Variants in PCNX1 observed in about 807,000 individuals in gnomAD.
PCNX1 encodes pecanex-like protein 1.
Under a neutral mutation model 242.2 loss-of-function variants are expected in PCNX1, and 78 were observed. That is an observed-to-expected ratio of 0.32 (90% CI 0.27 to 0.39). The LOEUF (loss-of-function observed/expected upper bound fraction) is 0.39, where lower values mean the gene tolerates loss of function less well. PCNX1 is among the 10% of genes least tolerant of loss of function. The probability of loss-of-function intolerance (pLI) is 1.00; values close to 1 mark genes in which losing one functional copy is unlikely to be tolerated. For synonymous variants in PCNX1, 1,024 were observed against 1,032.9 expected (o/e 0.99, Z 0.17); for missense variants, 2,581 against 2,856.5 (o/e 0.90, Z 2.20).
chr14:71,047,004 G>C lies in PCNX1; in HGVS notation c.4059G>C (p.Trp1353Cys), dbSNP rs568029146. The C allele has an allele frequency of 1.2e-6, 2 of 1,610,370 alleles. No individual in the cohort carries two copies. The highest frequency in any genetic ancestry group is 3.3e-5 in the Admixed American group (2 of 59,962). ...TMMWFEKLHV[W>C]LLFVEKNIIY... Reference sequence around the variant, plus strand: ...TGTGGTTTGAGAAACTTCATGTGTGGCTTCTTTTTGTGGAGAAGAATATAA... The same window carrying C: ...TGTGGTTTGAGAAACTTCATGTGTGCCTTCTTTTTGTGGAGAAGAATATAA... Residue 1353 changes from tryptophan (W) to cysteine (C), a missense_variant, in exon 21 of 36, where the codon TGG (tryptophan) becomes TGC (cysteine). By Grantham distance (215) the Trp-to-Cys change is radical. Around this residue, in one of 9 missense-constraint regions of PCNX1, gnomAD observed 432 missense variants for 443.1 expected, o/e 0.97. Coordinates refer to ENST00000304743, the MANE Select transcript of PCNX1 (RefSeq NM_014982.3).
At chr14:71,031,177 A>AAAATGTGC (rs527386742) in intron 16 of PCNX1, among the ~76,000 whole-genome samples, 40 of 152,352 alleles carry the variant, frequency 2.6e-4, no homozygotes, top group Non-Finnish European at 5.1e-4. Flanking sequence ...TCTGCGAATT[A>AAAATGTGC]AAATGTGCAA....
Position 71,108,661 on chromosome 14 carries a change from G to A in PCNX1, c.6359G>A (p.Arg2120Gln), listed in dbSNP as rs745757762. 59 of 1,614,042 alleles carry A rather than the reference G, an allele frequency of 3.7e-5. No homozygotes were observed. Among genetic ancestry groups the A allele is most frequent in the Admixed American group, 2.8e-4 (17 of 60,006 alleles). The change falls in exon 34 of 36, where the codon CGG (arginine) becomes CAG (glutamine). Residue 2120 changes from arginine (R) to glutamine (Q), a missense_variant. Arg to Gln is a conservative substitution (Grantham distance 43). Transcript: ENST00000304743. ...QSGLVRQSPA[R>Q]ASVASQSSYC... ...GGCCTGGTCAGACAGTCTCCTGCCC[G>A]GGCCTCAGTAGCCAGCCAGTCTTCC... is the stretch of plus-strand genomic sequence containing the variant.
At chr14:71,067,814 C>CT (rs1005939595) in intron 26 of PCNX1, among the ~76,000 whole-genome samples, 15 of 151,736 alleles carry the variant, frequency 9.9e-5, no homozygotes, top group African/African-American at 3.6e-4. Flanking sequence ...TGTCTTTGTT[C>CT]TTATTGGTTT....
At chr14:70,987,873 T>C (rs2059045885) in intron 6 of PCNX1, among the ~76,000 whole-genome samples, 1 of 152,184 alleles carries the variant, frequency 6.6e-6, no homozygotes. Context: ...AAGCTATGAG[T>C]TCCTGTGCTT....
chr14:71,002,243 G>A (rs948780016), intron 8 of PCNX1, among the ~76,000 whole-genome samples: 1 of 152,220 alleles, frequency 6.6e-6, no homozygotes, highest in African/African-American at 2.4e-5. Context: ...AAACAGAACG[G>A]CAAATACCAA....
chr14:71,080,232 A>G (rs573050669), intron 28 of PCNX1, among the ~76,000 whole-genome samples: 11 of 152,258 alleles, frequency 7.2e-5, no homozygotes, highest in African/African-American at 2.4e-4. Context: ...ATTGATCTAT[A>G]TATCTGTTTT....
At chr14:71,016,017 A>G (rs1156430294) in intron 11 of PCNX1, among the ~76,000 whole-genome samples, 1 of 152,226 alleles carries the variant, frequency 6.6e-6, no homozygotes, top group South Asian at 2.1e-4. Flanking sequence ...ACGTAGACCC[A>G]GTTTCTACCA....
intron 1 of PCNX1, among the ~76,000 whole-genome samples, chr14:70,914,034 T>C (rs138660314): frequency 1.3e-5 from 2 of 152,322 alleles, no homozygotes; most frequent in African/African-American, 4.8e-5. Context: ...ATAACTCTTA[T>C]GTATTATATT....
At chr14:71,024,862 T>A (rs2060198396) in intron 13 of PCNX1, among the ~76,000 whole-genome samples, 1 of 152,210 alleles carries the variant, frequency 6.6e-6, no homozygotes, top group South Asian at 2.1e-4. Flanking sequence ...ATATGTGCAC[T>A]GGGGAGCAAA....
rs1258599260 is a variant in PCNX1, at chr14:71,108,786, C to A, written c.6484C>A (p.Pro2162Thr). ...STSQISLRNL[P>T]SSIQSRLSMV... ...TAGTCAGATATCGCTTCGAAACTTG[C>A]CATCATCCATCCAATCCCGACTGTC... Residue 2162 changes from proline to threonine, a missense_variant, in exon 34 of 36, where the codon CCA (proline) becomes ACA (threonine). Pro to Thr is a conservative substitution (Grantham distance 38, BLOSUM62 -1). This residue lies in a region of PCNX1 where 432 missense variants were observed against 433.6 expected (regional missense o/e 1.00). Coordinates refer to ENST00000304743, the MANE Select transcript of PCNX1 (RefSeq NM_014982.3). 8.1e-6 allele frequency: 13 copies of A among 1,614,104 alleles called. No individual in the cohort carries two copies. Among genetic ancestry groups the A allele is most frequent in the Non-Finnish European group, 1.1e-5 (13 of 1,180,038 alleles).
chr14:70,936,123 TATTTTTA>T (rs1254377447), intron 1 of PCNX1, among the ~76,000 whole-genome samples: 1 of 152,202 alleles, frequency 6.6e-6, no homozygotes, highest in Non-Finnish European at 1.5e-5. Context: ...CTAGGAATTT[TATTTTTA>T]TTTTTTATTT....
At chr14:71,080,276 C>T (rs772167246) in intron 28 of PCNX1, among the ~76,000 whole-genome samples, 24 of 152,150 alleles carry the variant, frequency 1.6e-4, no homozygotes, top group Non-Finnish European at 3.2e-4. Context: ...ATTACTGTAG[C>T]CTTGCAGTAG....
Position 71,109,053 on chromosome 14 carries a change from A to C in PCNX1, c.6744+7A>C, listed in dbSNP as rs376342542. 3.1e-6 allele frequency: 5 copies of C among 1,601,468 alleles called. No homozygotes were observed. The highest frequency in any genetic ancestry group is 4.3e-6 in the Non-Finnish European group (5 of 1,172,324). ...AGTGATTTACAGAGTCCAAGTAAGT[A>C]AGCCCAGAGGTGGTCTTGTGCTGTT... is the stretch of plus-strand genomic sequence containing the variant. On this transcript the variant is annotated splice_region_variant and intron_variant, in intron 34 of 35. Coordinates refer to ENST00000304743, the MANE Select transcript of PCNX1 (RefSeq NM_014982.3).
At chr14:70,950,717 C>T (rs1277807143) in intron 2 of PCNX1, among the ~76,000 whole-genome samples, 2 of 151,586 alleles carry the variant, frequency 1.3e-5, no homozygotes, top group African/African-American at 2.4e-5. Context: ...TTAATATTCC[C>T]GTTTTTGAAT....
intron 33 of PCNX1, among the ~76,000 whole-genome samples, chr14:71,106,433 CT>C (rs1259810709): frequency 6.6e-6 from 1 of 152,016 alleles, no homozygotes; most frequent in Non-Finnish European, 1.5e-5. Context: ...GTATATAAGT[CT>C]TTATAATCAT....
chr14:71,065,981 T>TG (rs1049412444), intron 26 of PCNX1, among the ~76,000 whole-genome samples: 1 of 172 alleles, frequency 5.8e-3, no homozygotes, highest in Non-Finnish European at 0.016. Context: ...ATATATCTGT[T>TG]TTGTACAAGT....
At position 71,019,021 on chromosome 14, in the gene PCNX1, C is replaced by T. The variant is rs2060028086; in HGVS notation, c.3009C>T (p.Ile1003=). Residue 1003 remains isoleucine, a synonymous_variant, in exon 12 of 36, where the codon ATC becomes ATT. Coordinates refer to ENST00000304743, the MANE Select transcript of PCNX1 (RefSeq NM_014982.3). ...TTTCTGTCCGTAGAAATCGTGAGAT[C>T]CTGGAAAATGTGTTAGCTGTCATCC... The part of the protein sequence containing the change: ...LLALFDRNRE[I]LENVLAVILA... 1.2e-6 allele frequency: 2 copies of T among 1,611,334 alleles called. No individual in the cohort carries two copies. The highest frequency in any genetic ancestry group is 1.7e-5 in the Admixed American group (1 of 59,658).
chr14:71,008,701 C>T (rs1453386902), intron 8 of PCNX1, among the ~76,000 whole-genome samples: 1 of 149,326 alleles, frequency 6.7e-6, no homozygotes, highest in East Asian at 2.0e-4. Context: ...TGTTTTTAAC[C>T]TCTTTAATTC....
At chr14:70,936,230 A>C (rs2056997429) in intron 1 of PCNX1, among the ~76,000 whole-genome samples, 1 of 152,020 alleles carries the variant, frequency 6.6e-6, no homozygotes, top group African/African-American at 2.4e-5. Context: ...TGCTGCACCC[A>C]TTAACTCGTC....
Sources: gnomAD v4.1 joint callset for allele counts (sites outside exome capture counted in the v4.1 genomes callset) on GRCh38, gnomAD v4.1.1 for gene constraint, gnomAD v4.1.1 regional missense constraint, MANE v1.5 for transcripts, NCBI Gene and HGNC (gene_info 2026-07-23, HGNC 2026-07-21) for gene names.